TTC9C: variants seen among roughly 807,000 people sequenced by gnomAD.
TTC9C encodes the protein tetratricopeptide repeat domain 9C.
In TTC9C, 15 loss-of-function variants were observed where a neutral mutation model predicts 22.5. The ratio of observed to expected loss-of-function variants is 0.67; its 90% CI spans 0.45 to 1.03. TTC9C has a LOEUF of 1.03. Ranked by LOEUF, TTC9C falls within the 50% of genes least tolerant of loss-of-function variation. The pLI, the probability that TTC9C is intolerant of heterozygous loss-of-function variation, is 0.00. For missense variants in TTC9C, 244 were observed against 214.6 expected (o/e 1.14, Z -0.86); for synonymous variants, 92 against 86.8 (o/e 1.06, Z -0.33).
Position 62,728,965 on chromosome 11 carries a change from G to T in TTC9C, c.117G>T (p.Arg39=). The change falls in exon 1 of 3, where the codon CGG becomes CGT. Residue 39 remains arginine (R), a synonymous_variant. Coordinates refer to ENST00000316461, the MANE Select transcript of TTC9C (RefSeq NM_173810.4). ...SRYHRALLQL[R]GLDPSLPSPL... is the part of the protein sequence containing the mutation. ...ACCATCGAGCTCTGCTTCAGCTGCGGGGTCTGGATCCGAGTCTGCCCTCTC... is the reference window on the plus strand; with the variant it reads ...ACCATCGAGCTCTGCTTCAGCTGCGTGGTCTGGATCCGAGTCTGCCCTCTC... 6.2e-7 allele frequency: 1 copy of T among 1,614,138 alleles called. No individual in the cohort carries two copies. Among genetic ancestry groups the T allele is most frequent in the Non-Finnish European group, 8.5e-7 (1 of 1,180,034 alleles).
At chr11:62,731,989 C>CTTTTTTTTT (rs58705402) in intron 1 of TTC9C, among the ~76,000 whole-genome samples, 1 of 63,216 alleles carries the variant, frequency 1.6e-5, no homozygotes, top group Non-Finnish European at 2.9e-5. Context: ...CTGGTCAGCA[C>CTTTTTTTTT]TTTTTTTTTT....
chr11:62,735,346 C>T, intron 1 of TTC9C, 36 bp from the exon 2 acceptor site: 1 of 1,608,572 alleles, frequency 6.2e-7, no homozygotes, highest in Non-Finnish European at 8.5e-7. Context: ...TAACGAGCCC[C>T]TCCTACCTCT....
chr11:62,733,290 C>T, intron 1 of TTC9C: 1 of 602,326 alleles, frequency 1.7e-6, no homozygotes, highest in Non-Finnish European at 2.3e-6. Context: ...TGGAGTTAGA[C>T]AACACTTCAT....
At position 62,729,029 on chromosome 11, in the gene TTC9C, C is replaced by G; in HGVS notation, c.181C>G (p.Pro61Ala). The change falls in exon 1 of 3, where the codon CCT becomes GCT. Residue 61 changes from proline to alanine, a missense_variant. Coordinates refer to ENST00000316461, the MANE Select transcript of TTC9C (RefSeq NM_173810.4). ...NLGPQGPALT[P>A]EQENILHTTQ... ...CGGACCTCAGGGCCCGGCCCTCACG[C>G]CTGAACAAGAAAACATATTGCATAC... 1 of 1,614,100 alleles carries G rather than the reference C, an allele frequency of 6.2e-7. No homozygotes were observed. Among genetic ancestry groups the G allele is most frequent in the Non-Finnish European group, 8.5e-7 (1 of 1,180,020 alleles).
chr11:62,731,875 C>T (rs1327619993), intron 1 of TTC9C, among the ~76,000 whole-genome samples: 5 of 149,074 alleles, frequency 3.4e-5, no homozygotes, highest in East Asian at 4.0e-4. Context: ...TTAGTAGAGA[C>T]GGGGTCTCAC....
chr11:62,735,345 C>G (rs2083898108), intron 1 of TTC9C, 37 bp from the exon 2 acceptor site: 2 of 1,607,448 alleles, frequency 1.2e-6, no homozygotes, highest in African/African-American at 1.3e-5. Flanking sequence ...GTAACGAGCC[C>G]CTCCTACCTC....
intron 1 of TTC9C, among the ~76,000 whole-genome samples, chr11:62,731,275 G>A (rs1376060357): frequency 1.3e-5 from 2 of 152,084 alleles, no homozygotes; most frequent in African/African-American, 4.8e-5. Flanking sequence ...AGAATGCCCT[G>A]TCCCTTGAAT....
chr11:62,733,574 G>A (rs1401204050), intron 1 of TTC9C, among the ~76,000 whole-genome samples: 7 of 151,994 alleles, frequency 4.6e-5, no homozygotes, highest in African/African-American at 1.5e-4. Context: ...TACAATGAAG[G>A]TTAGTTTGTT....
intron 1 of TTC9C, among the ~76,000 whole-genome samples, chr11:62,730,582 A>AT (rs1161381178): frequency 1.3e-5 from 2 of 150,662 alleles, no homozygotes; most frequent in South Asian, 2.1e-4. Context: ...TAGCTCTTTT[A>AT]TTTTTTTTGA....
At chr11:62,736,567 G>GCCGGCTA (rs1198002956) in intron 2 of TTC9C, among the ~76,000 whole-genome samples, 1 of 151,864 alleles carries the variant, frequency 6.6e-6, no homozygotes, top group Non-Finnish European at 1.5e-5. Flanking sequence ...GGTGGTGAGG[G>GCCGGCTA]CCTGTAGTCC....
At chr11:62,728,451 C>CGG (rs527854814), upstream of TTC9C, 64 of 445,538 alleles carry the variant, frequency 1.4e-4, no homozygotes, top group African/African-American at 5.5e-4. Context: ...ACTTCCAGGT[C>CGG]GGGGGGGGGC....
intron 1 of TTC9C, among the ~76,000 whole-genome samples, chr11:62,730,033 T>A (rs1205799759): frequency 1.3e-5 from 2 of 152,246 alleles, no homozygotes; most frequent in African/African-American, 4.8e-5. Context: ...CTAGTTTAGA[T>A]CCCTTATATT....
At chr11:62,729,935 G>A (rs1240978695) in intron 1 of TTC9C, among the ~76,000 whole-genome samples, 2 of 152,132 alleles carry the variant, frequency 1.3e-5, no homozygotes, top group Admixed American at 6.6e-5. Context: ...AATTTTGCAT[G>A]CTATAGGGAA....
At chr11:62,729,133 A>G (rs778795831) in intron 1 of TTC9C, 47 bp downstream of exon 1, 15 of 1,538,798 alleles carry the variant, frequency 9.7e-6, no homozygotes, top group African/African-American at 4.1e-5. Flanking sequence ...AGACAGGAAC[A>G]TGAACATCTG....
chr11:62,736,248 G>GTTGTTTT (rs2083910887), intron 2 of TTC9C: 2 of 141,808 alleles, frequency 1.4e-5, no homozygotes, highest in Admixed American at 1.4e-4. Context: ...AAAAAACAGT[G>GTTGTTTT]TTGTTTTTTG....
chr11:62,737,598 TAATA>T (rs1180498560), intron 2 of TTC9C, among the ~76,000 whole-genome samples: 11 of 152,314 alleles, frequency 7.2e-5, no homozygotes, highest in African/African-American at 2.6e-4. Context: ...CATTATGAAT[TAATA>T]AAGATATAAA....
In TTC9C at chr11:62,729,067, C is replaced by T. The variant is rs541234456; in HGVS notation, c.219C>T (p.Asp73=). The T allele has an allele frequency of 6.2e-7, 1 of 1,614,020 alleles. No individual in the cohort carries two copies. Among genetic ancestry groups the T allele is most frequent in the East Asian group, 2.2e-5 (1 of 44,882 alleles). ...ACATATTGCATACCACCCAGACAGA[C>T]TGCTATAACAATCTAGCTGGTAAGA... ...QENILHTTQT[D]CYNNLAACLL... The change falls in exon 1 of 3, where the codon GAC becomes GAT. Residue 73 remains aspartate, a synonymous_variant. Coordinates refer to ENST00000316461, the MANE Select transcript of TTC9C (RefSeq NM_173810.4).
At position 62,735,478 on chromosome 11, in the gene TTC9C, A is replaced by G. The variant is rs547664703; in HGVS notation, c.335A>G (p.Tyr112Cys). The G allele has an allele frequency of 2.5e-6, 4 of 1,614,124 alleles. No individual in the cohort carries two copies. The South Asian group carries it at 3.3e-5, about 13-fold the overall frequency. The change falls in exon 2 of 3, where the codon TAT becomes TGT. Residue 112 changes from tyrosine (Y) to cysteine (C), a missense_variant. Physicochemically the swap from Tyr to Cys is radical, Grantham distance 194. Coordinates refer to ENST00000316461, the MANE Select transcript of TTC9C (RefSeq NM_173810.4). ...ERQPDNAKAL[Y>C]RAGVAFFHLQ... is the part of the protein sequence containing the mutation. ...CAGCCTGATAATGCCAAGGCCTTGTATCGGGCCGGAGTGGCCTTTTTCCAT... is the reference window on the plus strand; with the variant it reads ...CAGCCTGATAATGCCAAGGCCTTGTGTCGGGCCGGAGTGGCCTTTTTCCAT...
rs1203725854 is a variant in TTC9C, at chr11:62,729,052, T to C, written c.204T>C (p.His68=). The change falls in exon 1 of 3, where the codon CAT becomes CAC. Residue 68 remains histidine (H), a synonymous_variant. Transcript: ENST00000316461. ...ALTPEQENIL[H]TTQTDCYNNL... is the part of the protein sequence containing the mutation. ...CGCCTGAACAAGAAAACATATTGCA[T>C]ACCACCCAGACAGACTGCTATAACA... The C allele has an allele frequency of 3.1e-6, 5 of 1,613,884 alleles. No homozygotes were observed. Among genetic ancestry groups the C allele is most frequent in the Non-Finnish European group, 4.2e-6 (5 of 1,180,022 alleles).
Sources: allele counts gnomAD v4.1 joint callset (sites outside exome capture counted in the v4.1 genomes callset), GRCh38; gene constraint gnomAD v4.1.1; transcripts MANE v1.5; gene names NCBI Gene and HGNC (gene_info 2026-07-23, HGNC 2026-07-21).